Variants in DGKI observed in about 807,000 individuals in gnomAD.
DGKI encodes the protein diacylglycerol kinase iota.
In DGKI, 55 loss-of-function variants were observed where a neutral mutation model predicts 147.5. That is an observed-to-expected ratio of 0.37 (90% CI 0.30 to 0.47). DGKI has a LOEUF of 0.47. DGKI is among the 20% of genes least tolerant of loss of function. DGKI has a pLI of 1.00. For synonymous variants in DGKI, 469 were observed against 477.1 expected (o/e 0.98, Z 0.22); for missense variants, 1,007 against 1,323.8 (o/e 0.76, Z 3.71).
chr7:137,537,816 A>C (rs1212546758), intron 20 of DGKI, among the ~76,000 whole-genome samples: 1 of 152,212 alleles, frequency 6.6e-6, no homozygotes, highest in Admixed American at 6.5e-5. Context: ...TTTAGAGGTA[A>C]GCCTTATAGT....
intron 1 of DGKI, among the ~76,000 whole-genome samples, chr7:137,706,111 T>C (rs1362523146): frequency 6.6e-6 from 1 of 152,060 alleles, no homozygotes; most frequent in Non-Finnish European, 1.5e-5. Flanking sequence ...TTTTTAAAGA[T>C]AATTTAAAGG....
chr7:137,415,200 C>T (rs774212975), intron 28 of DGKI, among the ~76,000 whole-genome samples: 18 of 152,038 alleles, frequency 1.2e-4, no homozygotes, highest in Non-Finnish European at 2.2e-4. Context: ...AAAGTAAAGC[C>T]AGCCCTCCGT....
chr7:137,743,572 T>A (rs1404876922), intron 1 of DGKI, among the ~76,000 whole-genome samples: 3 of 152,088 alleles, frequency 2.0e-5, no homozygotes, highest in Non-Finnish European at 4.4e-5. Flanking sequence ...AATCAAAAAA[T>A]TATTTGAAAC....
At chr7:137,505,552 G>T (rs1343862629) in intron 21 of DGKI, among the ~76,000 whole-genome samples, 3 of 152,038 alleles carry the variant, frequency 2.0e-5, no homozygotes. Context: ...TTTAAAATAA[G>T]ATTAAAAAAT....
In DGKI at chr7:137,448,963, A is replaced by G. The variant is rs539572931; in HGVS notation, c.2736-4861T>C. Reference sequence around the variant, plus strand: ...AAATAATAATTAAAAATCTATTAAGATATGAAACATTGATGAAAGAAATTG... The same window carrying G: ...AAATAATAATTAAAAATCTATTAAGGTATGAAACATTGATGAAAGAAATTG... On this transcript the variant is annotated intron_variant, in intron 27 of 32. Transcript: ENST00000614521. 2.6e-4 allele frequency among the ~76,000 whole-genome samples: 40 copies of G among 152,314 alleles called. 1 individual carries two copies. In the South Asian group the frequency reaches 8.1e-3, roughly 31 times the overall value.
chr7:137,812,053 C>G (rs1251350892), intron 1 of DGKI, among the ~76,000 whole-genome samples: 1 of 152,168 alleles, frequency 6.6e-6, no homozygotes, highest in African/African-American at 2.4e-5. Flanking sequence ...GGGGAAGTTG[C>G]GTAGCTTGCT....
intron 32 of DGKI, among the ~76,000 whole-genome samples, chr7:137,393,146 T>G (rs1437075389): frequency 6.6e-6 from 1 of 152,148 alleles, no homozygotes; most frequent in Admixed American, 6.5e-5. Context: ...CCAGCAATTT[T>G]TTGCTTTTTG....
At chr7:137,459,952 C>A (rs1814367381) in intron 27 of DGKI, among the ~76,000 whole-genome samples, 1 of 152,090 alleles carries the variant, frequency 6.6e-6, no homozygotes, top group Non-Finnish European at 1.5e-5. Flanking sequence ...ATAAATGAAT[C>A]TGCAGTCCTA....
At chr7:137,772,524 C>T (rs1796235929) in intron 1 of DGKI, among the ~76,000 whole-genome samples, 1 of 152,118 alleles carries the variant, frequency 6.6e-6, no homozygotes, top group Non-Finnish European at 1.5e-5. Context: ...AGAAAGCTTG[C>T]AGAATGGTTT....
chr7:137,638,595 C>CATGTGTGTATATATACACAT (rs1821478497), intron 6 of DGKI, among the ~76,000 whole-genome samples: 1 of 8,778 alleles, frequency 1.1e-4, no homozygotes, highest in Non-Finnish European at 2.8e-4. Flanking sequence ...CACATATATA[C>CATGTGTGTATATATACACAT]ATATATGTAT....
intron 6 of DGKI, among the ~76,000 whole-genome samples, chr7:137,641,050 A>C (rs1821606072): frequency 6.6e-6 from 1 of 152,156 alleles, no homozygotes. Context: ...AGGTGATTGA[A>C]TTATGGGGGC....
intron 21 of DGKI, among the ~76,000 whole-genome samples, chr7:137,512,277 T>C (rs903782916): frequency 2.6e-5 from 4 of 152,216 alleles, no homozygotes; most frequent in Admixed American, 2.6e-4. Context: ...CTTGTAATGA[T>C]GCATGTGGCC....
At chr7:137,782,003 C>T (rs1196658396) in intron 1 of DGKI, among the ~76,000 whole-genome samples, 1 of 152,210 alleles carries the variant, frequency 6.6e-6, no homozygotes, top group Non-Finnish European at 1.5e-5. Flanking sequence ...CCTGCTCAGA[C>T]AGACAGAGCA....
At chr7:137,554,431 G>T (rs1280932419) in intron 19 of DGKI, among the ~76,000 whole-genome samples, 1 of 152,108 alleles carries the variant, frequency 6.6e-6, no homozygotes, top group Admixed American at 6.6e-5. Context: ...GCATGTGTTA[G>T]TCTTCTGAGA....
At chr7:137,505,588 A>G (rs1816338771) in intron 21 of DGKI, among the ~76,000 whole-genome samples, 1 of 152,156 alleles carries the variant, frequency 6.6e-6, no homozygotes, top group South Asian at 2.1e-4. Flanking sequence ...CAAGGGTGCC[A>G]TGAAATCAAT....
chr7:137,631,613 T>G (rs1490661205), intron 6 of DGKI, among the ~76,000 whole-genome samples: 4 of 152,024 alleles, frequency 2.6e-5, no homozygotes, highest in Non-Finnish European at 5.9e-5. Flanking sequence ...AGGGCAGAAC[T>G]TAGAGTTGGA....
At chr7:137,466,303 A>G (rs895739718) in intron 25 of DGKI, among the ~76,000 whole-genome samples, 3 of 152,226 alleles carry the variant, frequency 2.0e-5, no homozygotes, top group African/African-American at 4.8e-5. Context: ...CCCAAATACT[A>G]TTAGAGAAGT....
At chr7:137,622,473 A>T (rs1361061051) in intron 7 of DGKI, among the ~76,000 whole-genome samples, 1 of 152,230 alleles carries the variant, frequency 6.6e-6, no homozygotes, top group Non-Finnish European at 1.5e-5. Flanking sequence ...AAATTACAGC[A>T]GGCATCAGCA....
At chr7:137,462,105 T>C (rs753266669) in intron 27 of DGKI, among the ~76,000 whole-genome samples, 16 of 152,114 alleles carry the variant, frequency 1.1e-4, no homozygotes, top group South Asian at 2.1e-4. Context: ...AGATTATATA[T>C]ATATATACAA....
Sources: gnomAD v4.1 joint callset for allele counts (sites outside exome capture counted in the v4.1 genomes callset) on GRCh38, gnomAD v4.1.1 for gene constraint, MANE v1.5 for transcripts, NCBI Gene and HGNC (gene_info 2026-07-23, HGNC 2026-07-21) for gene names.